Variants in BCAS3 observed in about 807,000 individuals in gnomAD.
The protein encoded by BCAS3 is BCAS3 microtubule associated cell migration factor.
BCAS3 carries 53 observed loss-of-function variants against 116.1 expected under a neutral mutation model. The observed-to-expected ratio is 0.46, with a 90% CI of 0.37 to 0.57. BCAS3 has a LOEUF of 0.57. Among genes scored for constraint, BCAS3 ranks in the 20% least tolerant of loss-of-function variants. BCAS3 has a pLI of 0.00. For missense variants in BCAS3, 917 were observed against 1,165.4 expected (o/e 0.79, Z 3.10); for synonymous variants, 391 against 408.2 (o/e 0.96, Z 0.51).
intron 13 of BCAS3, among the ~76,000 whole-genome samples, chr17:60,932,483 T>C (rs2059700116): frequency 6.6e-6 from 1 of 152,170 alleles, no homozygotes; most frequent in Admixed American, 6.5e-5. Context: ...GGCTCACGCC[T>C]GTAATCCCAG....
chr17:61,328,855 G>T (rs540416442), intron 22 of BCAS3, among the ~76,000 whole-genome samples: 1 of 150,538 alleles, frequency 6.6e-6, no homozygotes, highest in African/African-American at 2.4e-5. Context: ...TCGTCTTTCT[G>T]TGCCTTCACA....
intron 22 of BCAS3, among the ~76,000 whole-genome samples, chr17:61,331,388 T>C (rs534853140): frequency 1.5e-4 from 23 of 152,318 alleles, no homozygotes; most frequent in Non-Finnish European, 3.1e-4. Flanking sequence ...CAAAATTTCT[T>C]TGGGAGTGGG....
At position 61,056,748 on chromosome 17, in the gene BCAS3, C is replaced by T. The variant is rs2069427998; in HGVS notation, c.2029+15856C>T. On this transcript the variant is annotated intron_variant, in intron 19 of 23. Coordinates refer to ENST00000407086, the MANE Select transcript of BCAS3 (RefSeq NM_017679.5). This position sits in a 1 kb window ranked among gnomAD's most constrained non-coding sequence, Gnocchi z 4.9. The stretch of plus-strand genomic sequence containing the variant: ...GGTTTTATTATAACAAAATGGTTTT[C>T]CTATTAAGTGATGTACTACTGCATG... Among the ~76,000 whole-genome samples the T allele has an allele frequency of 6.6e-6, 1 of 152,170 alleles. No homozygotes were observed. The highest frequency in any genetic ancestry group is 2.4e-5 in the African/African-American group (1 of 41,440).
At chr17:61,143,294 A>G (rs1182630549) in intron 22 of BCAS3, among the ~76,000 whole-genome samples, 1 of 152,160 alleles carries the variant, frequency 6.6e-6, no homozygotes, top group East Asian at 1.9e-4. Flanking sequence ...CACCAGTTTG[A>G]CCTTACTTTG....
In BCAS3 at chr17:60,801,183, A is replaced by ATCAGCAGTTAGTAGTTT. The variant is rs1222296092; in HGVS notation, c.404-6816_404-6800dup. Among the ~76,000 whole-genome samples the ATCAGCAGTTAGTAGTTT allele has an allele frequency of 6.6e-5, 10 of 152,156 alleles. No homozygotes were observed. The East Asian group carries it at 1.9e-3, about 29-fold the overall frequency. On this transcript the variant is annotated intron_variant, in intron 6 of 23. Transcript: ENST00000407086. Reference sequence around the variant, plus strand: ...ATTTAGGTTGTCTTTTGTTTGTTTTATCAGCAGTTAGTAGTTTTCAGTACA... The same window carrying ATCAGCAGTTAGTAGTTT: ...ATTTAGGTTGTCTTTTGTTTGTTTTATCAGCAGTTAGTAGTTTTCAGCAGTTAGTAGTTTTCAGTACA...
intron 7 of BCAS3, chr17:60,851,524 A>T (rs1007199402): frequency 1.6e-6 from 1 of 606,916 alleles, no homozygotes; most frequent in African/African-American, 1.9e-5. Flanking sequence ...TGAAACCACC[A>T]TCTGTAAAGC....
At chr17:60,796,261 G>C (rs1289622830) in intron 6 of BCAS3, among the ~76,000 whole-genome samples, 1 of 152,148 alleles carries the variant, frequency 6.6e-6, no homozygotes, top group Non-Finnish European at 1.5e-5. Context: ...ATTAGGGAGG[G>C]TTCCTCCTTT....
At chr17:61,246,933 A>G (rs1319016407) in intron 22 of BCAS3, among the ~76,000 whole-genome samples, 1 of 152,032 alleles carries the variant, frequency 6.6e-6, no homozygotes, top group East Asian at 1.9e-4. Context: ...GTTTTTTCAT[A>G]TAGTTTCTGG....
At position 61,307,832 on chromosome 17, in the gene BCAS3, A is replaced by G. The variant is rs2053966609; in HGVS notation, c.2426-60495A>G. Among the ~76,000 whole-genome samples the G allele has an allele frequency of 6.6e-6, 1 of 152,198 alleles. No individual in the cohort carries two copies. The highest frequency in any genetic ancestry group is 2.1e-4 in the South Asian group (1 of 4,824). On this transcript the variant is annotated intron_variant, in intron 22 of 23. Coordinates refer to ENST00000407086, the MANE Select transcript of BCAS3 (RefSeq NM_017679.5). The surrounding 1 kb of genome is among the most constrained non-coding windows in gnomAD (Gnocchi z 4.7). Reference sequence around the variant, plus strand: ...AATACCTTCTGTTAGACACTTCCATATGACCTGTGTCAAATGCACAGCAAA... The same window carrying G: ...AATACCTTCTGTTAGACACTTCCATGTGACCTGTGTCAAATGCACAGCAAA...
At chr17:61,212,929 C>A (rs564396217) in intron 22 of BCAS3, among the ~76,000 whole-genome samples, 1 of 152,170 alleles carries the variant, frequency 6.6e-6, no homozygotes, top group Non-Finnish European at 1.5e-5. Flanking sequence ...TCCTTCCTTT[C>A]AAAAGCCTTT....
At chr17:60,981,353 C>T (rs559847848) in intron 14 of BCAS3, among the ~76,000 whole-genome samples, 1 of 151,952 alleles carries the variant, frequency 6.6e-6, no homozygotes, top group Admixed American at 6.5e-5. Flanking sequence ...GATCTTGGCT[C>T]ACTGCAGCCT....
intron 18 of BCAS3, 40 bp downstream of exon 18, chr17:61,038,094 T>C: frequency 6.4e-7 from 1 of 1,567,218 alleles, no homozygotes; most frequent in Non-Finnish European, 8.7e-7. Context: ...ACAGCTTCAT[T>C]AAGGTATAGA....
chr17:60,945,895 C>T (rs1032231330), intron 13 of BCAS3, among the ~76,000 whole-genome samples: 17 of 151,774 alleles, frequency 1.1e-4, no homozygotes, highest in African/African-American at 3.1e-4. Flanking sequence ...CTGAGTCCGG[C>T]GGATCATGAG....
chr17:60,873,375 A>C (rs542409182), intron 8 of BCAS3, among the ~76,000 whole-genome samples: 1 of 152,294 alleles, frequency 6.6e-6, no homozygotes, highest in South Asian at 2.1e-4. Flanking sequence ...ATATGAAATA[A>C]TACATTTTCC....
chr17:61,194,638 G>A (rs1035422029), intron 22 of BCAS3, among the ~76,000 whole-genome samples: 7 of 151,664 alleles, frequency 4.6e-5, no homozygotes, highest in Non-Finnish European at 1.5e-5. Flanking sequence ...TACTCAGAAG[G>A]CTGAGGCAGG....
chr17:60,811,262 G>A, intron 7 of BCAS3: 1 of 910,360 alleles, frequency 1.1e-6, no homozygotes, highest in South Asian at 1.4e-5. Flanking sequence ...GGAGTAGGAG[G>A]CCCTGCTGAA....
intron 11 of BCAS3, among the ~76,000 whole-genome samples, chr17:60,909,985 G>GC (rs2058402031): frequency 6.6e-6 from 1 of 152,084 alleles, no homozygotes; most frequent in Non-Finnish European, 1.5e-5. Flanking sequence ...CAGAGATTGT[G>GC]TTTTCCATAT....
chr17:61,103,528 A>T (rs2074456847), intron 22 of BCAS3, among the ~76,000 whole-genome samples: 1 of 152,198 alleles, frequency 6.6e-6, no homozygotes, highest in Admixed American at 6.5e-5. Context: ...AAATGGATTT[A>T]ACTTTAGTTA....
Position 61,326,142 on chromosome 17 carries a change from T to C in BCAS3, c.2426-42185T>C. Among the ~76,000 whole-genome samples the C allele has an allele frequency of 6.6e-6, 1 of 152,218 alleles. No homozygotes were observed. The highest frequency in any genetic ancestry group is 2.4e-5 in the African/African-American group (1 of 41,456). ...AATCAGATAATCTCACAAATTAACA[T>C]AATTACAAATTGTGTGAAGTATAAT... On this transcript the variant is annotated intron_variant, in intron 22 of 23. Transcript: ENST00000407086. The surrounding 1 kb of genome is among the most constrained non-coding windows in gnomAD (Gnocchi z 5.3).
Sources: allele counts gnomAD v4.1 joint callset (sites outside exome capture counted in the v4.1 genomes callset), GRCh38; gene constraint gnomAD v4.1.1; non-coding constraint Gnocchi (gnomAD v3.1); transcripts MANE v1.5; gene names NCBI Gene and HGNC (gene_info 2026-07-23, HGNC 2026-07-21).